Variants in STAMBPL1 observed in about 807,000 individuals in gnomAD.
STAMBPL1 encodes STAM binding protein like 1.
STAMBPL1 carries 44 observed loss-of-function variants against 52.9 expected under a neutral mutation model. That is an observed-to-expected ratio of 0.83 (90% CI 0.65 to 1.07). The LOEUF is 1.07. Ranked by LOEUF, STAMBPL1 falls within the 50% of genes least tolerant of loss-of-function variation. STAMBPL1 has a pLI of 0.00. For missense variants in STAMBPL1, 511 were observed against 520.8 expected, an observed-to-expected ratio of 0.98 and a Z score of 0.18; for synonymous variants, 164 against 177.3, an observed-to-expected ratio of 0.92 and a Z score of 0.60.
At chr10:88,902,348 A>G (rs764532696) in intron 2 of STAMBPL1, among the ~76,000 whole-genome samples, 10 of 150,326 alleles carry the variant, frequency 6.7e-5, no homozygotes, top group African/African-American at 1.0e-4. Context: ...ATTGGAAACA[A>G]TATTTTTGAT....
chr10:88,904,915 T>TG (rs1449919159), intron 2 of STAMBPL1, among the ~76,000 whole-genome samples: 3 of 150,774 alleles, frequency 2.0e-5, no homozygotes, highest in African/African-American at 7.3e-5. Flanking sequence ...TGTGGGTTGT[T>TG]TTTTTTTTAA....
intron 1 of STAMBPL1, chr10:88,900,956 G>C (rs1329015829): frequency 6.6e-6 from 1 of 152,178 alleles, no homozygotes; most frequent in Non-Finnish European, 1.5e-5. Flanking sequence ...AGTCTTTAAG[G>C]CCAGCAGGAG....
chr10:88,914,644 C>T lies in STAMBPL1; in HGVS notation c.889C>T (p.Leu297Phe), dbSNP rs546364856. Residue 297 changes from leucine to phenylalanine, a missense_variant, in exon 7 of 11, where the codon CTC becomes TTC. Physicochemically the swap from Leu to Phe is conservative, Grantham distance 22. This residue lies in a region of STAMBPL1 where 16 missense variants were observed against 37.4 expected (regional missense o/e 0.43). Coordinates refer to ENST00000371926, the MANE Select transcript of STAMBPL1 (RefSeq NM_020799.4). ...GAGAGGAATAGAAACCTGTGGAATACTCTGTGGAAAACTGGTATGATCTTT... is the reference window on the plus strand; with the variant it reads ...GAGAGGAATAGAAACCTGTGGAATATTCTGTGGAAAACTGGTATGATCTTT... ...TVRGIETCGI[L>F]CGKLTHNEFT... The T allele has an allele frequency of 2.2e-6, 3 of 1,392,978 alleles. No individual in the cohort carries two copies. The African/African-American group carries it at 4.5e-5, about 21-fold the overall frequency. The allele number at this position is 1,392,978 out of a possible 1,614,324, so 86.3% of individuals were successfully genotyped here.
At chr10:88,916,618 T>G in intron 7 of STAMBPL1, 62 bp from the exon 8 acceptor site, 1 of 1,509,702 alleles carries the variant, frequency 6.6e-7, no homozygotes, top group Non-Finnish European at 8.9e-7. Context: ...TTTCATTTCC[T>G]GTTCAGTTAT....
At chr10:88,896,721 T>A (rs1844819340) in intron 1 of STAMBPL1, among the ~76,000 whole-genome samples, 1 of 152,178 alleles carries the variant, frequency 6.6e-6, no homozygotes, top group African/African-American at 2.4e-5. Context: ...GTTTACTGTA[T>A]GCTGAGTCTC....
rs375576635 is a variant in STAMBPL1, at chr10:88,905,660, C to T, written c.248C>T (p.Thr83Ile). ...TTTGTTCTTTATAATAAATTTATAA[C>T]GTAAGTGTTTTAAAGGCCTCTGAAG... ...NAFVLYNKFI[T>I]LFVEKLPNHR... The change falls in exon 3 of 11, where the codon ACC (threonine) becomes ATC (isoleucine). Residue 83 changes from threonine to isoleucine, a missense_variant and splice_region_variant. Thr to Ile is a moderately conservative substitution (Grantham distance 89). Transcript: ENST00000371926. The T allele has an allele frequency of 1.2e-4, 191 of 1,610,516 alleles. No individual in the cohort carries two copies. The highest frequency in any genetic ancestry group is 1.5e-4 in the Non-Finnish European group (178 of 1,177,464).
chr10:88,884,261 C>T (rs1029017095), intron 1 of STAMBPL1, among the ~76,000 whole-genome samples: 1 of 152,152 alleles, frequency 6.6e-6, no homozygotes, highest in Non-Finnish European at 1.5e-5. Context: ...GAAACGTGGC[C>T]GTTCCTACCA....
At chr10:88,902,411 C>T (rs2133166400) in intron 2 of STAMBPL1, among the ~76,000 whole-genome samples, 1 of 152,236 alleles carries the variant, frequency 6.6e-6, no homozygotes, top group African/African-American at 2.4e-5. Flanking sequence ...TTCCCATTTT[C>T]CTCCTCTTGA....
At position 88,916,680 on chromosome 10, in the gene STAMBPL1, A is replaced by G; in HGVS notation, c.904A>G (p.Thr302Ala). ...CATTCTTTCTGCTATTGTTTTTTAG[A>G]CACATAATGAATTTACTATTACCCA... ...ETCGILCGKL[T>A]HNEFTITHVI... Residue 302 changes from threonine to alanine, a missense_variant and splice_region_variant, in exon 8 of 11, where the codon ACA becomes GCA. Physicochemically the swap from Thr to Ala is moderately conservative, Grantham distance 58. This residue lies in a region of STAMBPL1 where 16 missense variants were observed against 37.4 expected (regional missense o/e 0.43). Transcript: ENST00000371926. The G allele has an allele frequency of 1.9e-6, 3 of 1,588,360 alleles. No homozygotes were observed. The highest frequency in any genetic ancestry group is 2.6e-6 in the Non-Finnish European group (3 of 1,171,308).
chr10:88,922,914 G>A (rs1298727243), intron 10 of STAMBPL1, among the ~76,000 whole-genome samples: 4 of 151,802 alleles, frequency 2.6e-5, no homozygotes, highest in Non-Finnish European at 5.9e-5. Flanking sequence ...TGGAGGTTCT[G>A]TGGCTATAAC....
intron 8 of STAMBPL1, among the ~76,000 whole-genome samples, chr10:88,919,089 T>C (rs1478974722): frequency 2.6e-5 from 4 of 152,194 alleles, no homozygotes; most frequent in Non-Finnish European, 5.9e-5. Context: ...AGCTGGCTTT[T>C]TTCAAATACA....
In STAMBPL1 at chr10:88,913,320, T is replaced by G. The variant is rs1646749504; in HGVS notation, c.640T>G (p.Phe214Val). The G allele has an allele frequency of 6.2e-7, 1 of 1,613,918 alleles. No individual in the cohort carries two copies. Among genetic ancestry groups the G allele is most frequent in the Non-Finnish European group, 8.5e-7 (1 of 1,179,846 alleles). The change falls in exon 6 of 11, where the codon TTT becomes GTT. Residue 214 changes from phenylalanine to valine, a missense_variant. Around this residue, in one of 3 missense-constraint regions of STAMBPL1, gnomAD observed 358 missense variants for 343.5 expected, o/e 1.04. Coordinates refer to ENST00000371926, the MANE Select transcript of STAMBPL1 (RefSeq NM_020799.4). ...EQIDGSALSC[F>V]STHQNNSLLN... is the part of the protein sequence containing the mutation. ...GATTGATGGGAGCGCTTTGTCCTGC[T>G]TTTCCACACACCAGAACAATTCCTT... is the stretch of plus-strand genomic sequence containing the variant.
At chr10:88,905,759 A>G (rs1564628131) in intron 3 of STAMBPL1, 99 bp downstream of exon 3, 1 of 905,918 alleles carries the variant, frequency 1.1e-6, no homozygotes, top group Non-Finnish European at 1.7e-6. Flanking sequence ...TTTCATATTC[A>G]GACCAATTGC....
chr10:88,912,246 A>C lies in STAMBPL1; in HGVS notation c.421-855A>C, dbSNP rs192866068. On this transcript the variant is annotated intron_variant, in intron 5 of 10. Coordinates refer to ENST00000371926, the MANE Select transcript of STAMBPL1 (RefSeq NM_020799.4). Reference sequence around the variant, plus strand: ...TGCAATTAGCCCCAGGATGATTTGTATGCACCTGAATGTGCCACTATAAGC... The same window carrying C: ...TGCAATTAGCCCCAGGATGATTTGTCTGCACCTGAATGTGCCACTATAAGC... 2.0e-5 allele frequency: 3 copies of C among 152,348 alleles called. No homozygotes were observed. In the East Asian group the frequency reaches 5.8e-4, roughly 29 times the overall value. The allele number at this position is 152,348 out of a possible 1,614,324, so 9.4% of individuals were successfully genotyped here.
intron 4 of STAMBPL1, among the ~76,000 whole-genome samples, chr10:88,910,074 T>C (rs1359072567): frequency 6.6e-6 from 1 of 152,198 alleles, no homozygotes; most frequent in Non-Finnish European, 1.5e-5. Context: ...TATGCTTATT[T>C]TTTTTGTAGG....
chr10:88,896,860 A>ACGCACG (rs1844823431), intron 1 of STAMBPL1, among the ~76,000 whole-genome samples: 1 of 151,982 alleles, frequency 6.6e-6, no homozygotes. Flanking sequence ...ACATGCACGC[A>ACGCACG]CGCACACACA....
At chr10:88,902,416 T>G (rs1844965557) in intron 2 of STAMBPL1, among the ~76,000 whole-genome samples, 1 of 152,148 alleles carries the variant, frequency 6.6e-6, no homozygotes, top group Admixed American at 6.5e-5. Context: ...ATTTTCCTCC[T>G]CTTGATGACC....
chr10:88,886,773 C>T (rs894288043), intron 1 of STAMBPL1, among the ~76,000 whole-genome samples: 1 of 152,194 alleles, frequency 6.6e-6, no homozygotes, highest in African/African-American at 2.4e-5. Flanking sequence ...CAGAGACAGG[C>T]TCAGGTGCAG....
At position 88,916,829 on chromosome 10, in the gene STAMBPL1, C is replaced by T; in HGVS notation, c.1041+12C>T. 2 of 1,530,578 alleles carry T rather than the reference C, an allele frequency of 1.3e-6. No homozygotes were observed. The highest frequency in any genetic ancestry group is 1.8e-6 in the Non-Finnish European group (2 of 1,136,532). The allele number at this position is 1,530,578 out of a possible 1,614,324, so 94.8% of individuals were successfully genotyped here. ...TAGGATGGATCCATGTACGTTTGAC[C>T]TTTTGGGTTTCAGTTTTTTTGTGTG... On this transcript the variant is annotated intron_variant, in intron 8 of 10. Coordinates refer to ENST00000371926, the MANE Select transcript of STAMBPL1 (RefSeq NM_020799.4).
Sources: gnomAD v4.1 joint callset for allele counts (sites outside exome capture counted in the v4.1 genomes callset) on GRCh38, gnomAD v4.1.1 for gene constraint, gnomAD v4.1.1 regional missense constraint, MANE v1.5 for transcripts, NCBI Gene and HGNC (gene_info 2026-07-23, HGNC 2026-07-21) for gene names.